Variants in RUFY3 observed in about 807,000 individuals in gnomAD.
The protein encoded by RUFY3 is RUN and FYVE domain containing 3, also known as protein RUFY3.
A neutral mutation model predicts 84.0 loss-of-function variants in RUFY3; 34 were observed. That is an observed-to-expected ratio of 0.40 (90% CI 0.31 to 0.54). The LOEUF (loss-of-function observed/expected upper bound fraction) is 0.54. Ranked by LOEUF, RUFY3 falls within the 20% of genes least tolerant of loss-of-function variation. The pLI is 0.39. For synonymous variants in RUFY3, 242 were observed against 252.9 expected (o/e 0.96, Z 0.41); for missense variants, 507 against 736.8 (o/e 0.69, Z 3.61).
At chr4:70,802,048 C>G (rs1732297518) in intron 15 of RUFY3, among the ~76,000 whole-genome samples, 1 of 152,192 alleles carries the variant, frequency 6.6e-6, no homozygotes, top group Non-Finnish European at 1.5e-5. Context: ...TTCAGTATTC[C>G]TTACAAAAGT....
chr4:70,716,440 C>T (rs2148571866), intron 1 of RUFY3, among the ~76,000 whole-genome samples: 1 of 152,294 alleles, frequency 6.6e-6, no homozygotes, highest in East Asian at 1.9e-4. Flanking sequence ...GCCGCCGCGC[C>T]CTGCCGAATC....
At chr4:70,729,521 G>A (rs997845239) in intron 1 of RUFY3, among the ~76,000 whole-genome samples, 11 of 152,162 alleles carry the variant, frequency 7.2e-5, no homozygotes, top group African/African-American at 2.4e-4. Context: ...GTCTCCCAAA[G>A]TGCTAGGATT....
At chr4:70,775,810 TG>T (rs1727842691) in intron 7 of RUFY3, among the ~76,000 whole-genome samples, 1 of 152,066 alleles carries the variant, frequency 6.6e-6, no homozygotes, top group African/African-American at 2.4e-5. Flanking sequence ...GCCGGGCATG[TG>T]CCTGTAGTCC....
intron 1 of RUFY3, among the ~76,000 whole-genome samples, chr4:70,731,652 C>G (rs967970612): frequency 6.6e-6 from 1 of 152,150 alleles, no homozygotes; most frequent in Admixed American, 6.5e-5. Context: ...ACTGCAACCT[C>G]TGCCTCCCAG....
intron 1 of RUFY3, among the ~76,000 whole-genome samples, chr4:70,739,572 G>T (rs1720964707): frequency 6.6e-6 from 1 of 151,970 alleles, no homozygotes; most frequent in Non-Finnish European, 1.5e-5. Context: ...GGTCTCAAGG[G>T]GACAAAATAA....
rs996887676 is a variant in RUFY3, at chr4:70,791,117, T to G, written c.1337+1525T>G. 1.0e-5 allele frequency: 9 copies of G among 891,032 alleles called. No individual in the cohort carries two copies. In the African/African-American group the frequency reaches 1.2e-4, roughly 12 times the overall value. 55.2% of individuals were successfully genotyped at this position (891,032 alleles called of 1,614,324 possible). ...AAGCAAACAGAAAGAGAATAATGAC[T>G]TATCTCTTTGAGTATTAAGCTGACT... On this transcript the variant is annotated intron_variant, in intron 12 of 17. Transcript: ENST00000381006.
intron 1 of RUFY3, among the ~76,000 whole-genome samples, chr4:70,761,510 ACTCT>A: frequency 6.6e-6 from 1 of 152,072 alleles, no homozygotes. Context: ...CTGAAGCTTT[ACTCT>A]CTAAGTCTCA....
chr4:70,733,483 ACCTAT>A (rs1457546784), intron 1 of RUFY3, among the ~76,000 whole-genome samples: 1 of 152,144 alleles, frequency 6.6e-6, no homozygotes, highest in African/African-American at 2.4e-5. Context: ...TGTACCAGAC[ACCTAT>A]CCTAAGGAAA....
chr4:70,804,396 G>C lies in RUFY3; in HGVS notation c.1699G>C (p.Glu567Gln). Residue 567 changes from glutamate (E) to glutamine (Q), a missense_variant, in exon 17 of 18, where the codon GAA becomes CAA. By Grantham distance (29) the Glu-to-Gln change is conservative (BLOSUM62 2). Coordinates refer to ENST00000381006, the MANE Select transcript of RUFY3 (RefSeq NM_001037442.4). ...GCCACAGTTGTGTCAGCTATGCCAG[G>C]AAGACGGCAGCCTAACAAAGGTAAC... The part of the protein sequence containing the change: ...EKPQLCQLCQ[E>Q]DGSLTKNVCK... 6.2e-7 allele frequency: 1 copy of C among 1,614,006 alleles called. No individual in the cohort carries two copies. The highest frequency in any genetic ancestry group is 8.5e-7 in the Non-Finnish European group (1 of 1,179,964).
At chr4:70,792,268 G>A (rs1730948098) in intron 12 of RUFY3, 1 of 983,994 alleles carries the variant, frequency 1.0e-6, no homozygotes, top group African/African-American at 1.7e-5. Flanking sequence ...AAGAGTTTCT[G>A]TTACTTTTTG....
intron 9 of RUFY3, among the ~76,000 whole-genome samples, chr4:70,784,273 G>A (rs1038183898): frequency 7.2e-5 from 11 of 152,192 alleles, no homozygotes; most frequent in African/African-American, 2.6e-4. Flanking sequence ...ACTTGAGGTC[G>A]GGAGTTCGAG....
chr4:70,800,014 T>A lies in RUFY3; in HGVS notation c.1558-127T>A. ...GAGGAAACATAGCTTGAAAGTTAGA[T>A]CCCTTCCCTAATAAAAAAAGCTACT... On this transcript the variant is annotated intron_variant, in intron 14 of 17. Coordinates refer to ENST00000381006, the MANE Select transcript of RUFY3 (RefSeq NM_001037442.4). The A allele has an allele frequency of 5.5e-6, 4 of 733,106 alleles. No individual in the cohort carries two copies. The South Asian group carries it at 7.6e-5, about 14-fold the overall frequency. 45.4% of individuals were successfully genotyped at this position (733,106 alleles called of 1,614,324 possible).
chr4:70,787,184 AAAAATAT>A (rs1404294181), intron 10 of RUFY3, among the ~76,000 whole-genome samples: 149 of 125,940 alleles, frequency 1.2e-3, no homozygotes, highest in Non-Finnish European at 2.0e-3. Flanking sequence ...AAAAAAAAAA[AAAAATAT>A]ATATATATAT....
At chr4:70,786,395 T>G (rs1021443335) in intron 10 of RUFY3, among the ~76,000 whole-genome samples, 3 of 152,038 alleles carry the variant, frequency 2.0e-5, no homozygotes, top group Non-Finnish European at 2.9e-5. Context: ...GTTTTTTTTT[T>G]TCTTTTTTTT....
intron 15 of RUFY3, among the ~76,000 whole-genome samples, chr4:70,801,228 C>T (rs1732194742): frequency 6.6e-6 from 1 of 150,662 alleles, no homozygotes; most frequent in African/African-American, 2.4e-5. Context: ...ACCGGTGGAG[C>T]ACAGAGGATT....
At chr4:70,745,854 G>A (rs755329972) in intron 1 of RUFY3, among the ~76,000 whole-genome samples, 1 of 152,160 alleles carries the variant, frequency 6.6e-6, no homozygotes, top group Non-Finnish European at 1.5e-5. Flanking sequence ...GCGGGGCCGA[G>A]GCAGGCAGAT....
At chr4:70,793,547 AT>A in intron 12 of RUFY3, 3 of 1,379,954 alleles carry the variant, frequency 2.2e-6, no homozygotes, top group Non-Finnish European at 2.8e-6. Flanking sequence ...AATAAAAAAA[AT>A]GGAAAATCAG....
At chr4:70,724,298 T>A (rs889460875) in intron 1 of RUFY3, among the ~76,000 whole-genome samples, 1 of 152,148 alleles carries the variant, frequency 6.6e-6, no homozygotes, top group Non-Finnish European at 1.5e-5. Flanking sequence ...ACATATTTTG[T>A]TTGAAAAAAA....
intron 12 of RUFY3, 156 bp downstream of exon 12, chr4:70,789,748 T>TAG (rs747379166): frequency 1.4e-5 from 18 of 1,312,694 alleles, no homozygotes; most frequent in Admixed American, 3.7e-5. Context: ...TTATGTGTGT[T>TAG]TTCTAAGGTA....
Sources: allele counts gnomAD v4.1 joint callset (sites outside exome capture counted in the v4.1 genomes callset), GRCh38; gene constraint gnomAD v4.1.1; transcripts MANE v1.5; gene names NCBI Gene and HGNC (gene_info 2026-07-23, HGNC 2026-07-21).